The following TANC2 variants were observed in gnomAD, a reference collection of about 807,000 sequenced individuals.
The protein encoded by TANC2 is tetratricopeptide repeat, ankyrin repeat and coiled-coil containing 2.
TANC2 carries 26 observed loss-of-function variants against 210.5 expected under a neutral mutation model. The ratio of observed to expected loss-of-function variants is 0.12; its 90% confidence interval spans 0.09 to 0.17. TANC2 has a LOEUF of 0.17. Among genes scored for constraint, TANC2 ranks in the 10% least tolerant of loss-of-function variants. The probability of loss-of-function intolerance (pLI) is 1.00; values close to 1 mark genes in which losing one functional copy is unlikely to be tolerated. For missense variants in TANC2, 2,129 were observed against 2,608.9 expected, an observed-to-expected ratio of 0.82 and a Z score of 4.01; for synonymous variants, 931 against 967.1, an observed-to-expected ratio of 0.96 and a Z score of 0.69.
At chr17:63,230,261 GT>G (rs1325388414) in intron 7 of TANC2, among the ~76,000 whole-genome samples, 4 of 151,944 alleles carry the variant, frequency 2.6e-5, no homozygotes, top group Non-Finnish European at 5.9e-5. Flanking sequence ...TTTTTGAAGG[GT>G]TTTTTGTGTC....
At chr17:63,170,547 A>G (rs539210269) in intron 5 of TANC2, among the ~76,000 whole-genome samples, 50 of 152,282 alleles carry the variant, frequency 3.3e-4, no homozygotes, top group Admixed American at 2.7e-3. Context: ...TTTGGGGGAA[A>G]AATTCTAGCA....
chr17:63,346,729 G>A (rs537972088), intron 12 of TANC2, among the ~76,000 whole-genome samples: 1 of 152,228 alleles, frequency 6.6e-6, no homozygotes, highest in Admixed American at 6.5e-5. Context: ...TTTGAGACAA[G>A]GTCTCTCACT....
intron 4 of TANC2, among the ~76,000 whole-genome samples, chr17:63,100,729 A>G (rs1255271364): frequency 6.6e-6 from 1 of 152,182 alleles, no homozygotes; most frequent in Non-Finnish European, 1.5e-5. Flanking sequence ...CTGAAGTTTT[A>G]GAGATACCGC....
chr17:63,086,256 T>C (rs573503320), intron 3 of TANC2, among the ~76,000 whole-genome samples: 40 of 152,256 alleles, frequency 2.6e-4, no homozygotes, highest in Non-Finnish European at 4.7e-4. Flanking sequence ...CTTTCTGGTC[T>C]ATGGTTTGGT....
intron 8 of TANC2, among the ~76,000 whole-genome samples, chr17:63,265,807 T>G (rs568757234): frequency 1.5e-3 from 165 of 108,310 alleles, no homozygotes; most frequent in African/African-American, 4.3e-3. Context: ...ACACTTTCTG[T>G]TTTTTTTTTG....
chr17:63,332,335 C>T (rs2045885779), intron 11 of TANC2: 1 of 309,982 alleles, frequency 3.2e-6, no homozygotes, highest in Non-Finnish European at 6.3e-6. Context: ...ACTAATTCCA[C>T]TTCTTGATTG....
intron 9 of TANC2, among the ~76,000 whole-genome samples, chr17:63,301,669 TTTC>T (rs1273191252): frequency 2.9e-4 from 44 of 152,312 alleles, no homozygotes; most frequent in African/African-American, 1.1e-3. Flanking sequence ...TCTTCTCTCT[TTTC>T]TTCTTTATTA....
chr17:63,074,146 A>G (rs1413845724), intron 3 of TANC2, 132 bp downstream of exon 3: 2 of 558,680 alleles, frequency 3.6e-6, no homozygotes, highest in Admixed American at 3.7e-5. Context: ...TAGGATTTAA[A>G]TGATATGATG....
intron 8 of TANC2, among the ~76,000 whole-genome samples, chr17:63,259,812 T>C (rs2043304178): frequency 6.6e-6 from 1 of 152,230 alleles, no homozygotes; most frequent in Non-Finnish European, 1.5e-5. Context: ...GATACTTATT[T>C]CCATTAATCT....
At chr17:63,143,456 T>C (rs189381103) in intron 4 of TANC2, among the ~76,000 whole-genome samples, 2 of 152,346 alleles carry the variant, frequency 1.3e-5, no homozygotes, top group East Asian at 3.9e-4. Context: ...AATATTTGCC[T>C]GTGTATAAAA....
intron 8 of TANC2, among the ~76,000 whole-genome samples, chr17:63,239,877 A>AGG (rs1182771608): frequency 6.6e-6 from 1 of 152,152 alleles, no homozygotes; most frequent in Non-Finnish European, 1.5e-5. Context: ...CAAAAGGCAC[A>AGG]GGGGGAACAA....
chr17:63,138,635 C>T (rs2039177819), intron 4 of TANC2, among the ~76,000 whole-genome samples: 1 of 152,120 alleles, frequency 6.6e-6, no homozygotes, highest in Admixed American at 6.5e-5. Flanking sequence ...TCTTACCTAT[C>T]TTTTCCTTTC....
At position 63,397,309 on chromosome 17, in the gene TANC2, A is replaced by C. The variant is rs140372265; in HGVS notation, c.3237+1381A>C. 5.5e-3 allele frequency among the ~76,000 whole-genome samples: 842 copies of C among 152,256 alleles called. 6 individuals carry two copies. The highest frequency in any genetic ancestry group is 0.018 in the African/African-American group (750 of 41,540). ...CAAACAAACAAAAAGAATATGTTGC[A>C]CACAACTTACAAATAATAATGAACT... On this transcript the variant is annotated intron_variant, in intron 18 of 27. Coordinates refer to ENST00000689528, the Ensembl canonical transcript of TANC2.
At chr17:63,191,857 T>C (rs372006657) in intron 5 of TANC2, among the ~76,000 whole-genome samples, 1 of 152,216 alleles carries the variant, frequency 6.6e-6, no homozygotes, top group African/African-American at 2.4e-5. Flanking sequence ...CAGTTAAGTC[T>C]GTAATCTAGA....
At chr17:63,344,621 G>T (rs1360075646) in intron 12 of TANC2, among the ~76,000 whole-genome samples, 1 of 152,120 alleles carries the variant, frequency 6.6e-6, no homozygotes, top group African/African-American at 2.4e-5. Flanking sequence ...CCAGAAAAAA[G>T]AAATCTGACT....
At chr17:63,241,650 A>G (rs1020358973) in intron 8 of TANC2, among the ~76,000 whole-genome samples, 11 of 152,184 alleles carry the variant, frequency 7.2e-5, no homozygotes, top group African/African-American at 2.7e-4. Flanking sequence ...CCCAACGTTC[A>G]TTCTAAAATC....
chr17:63,274,584 T>TG (rs2043815754), intron 9 of TANC2, among the ~76,000 whole-genome samples: 1 of 152,016 alleles, frequency 6.6e-6, no homozygotes, highest in Admixed American at 6.6e-5. Context: ...GAGGCCAAGG[T>TG]GGAGGGATCA....
chr17:62,995,117 G>A (rs933287729), intron 1 of TANC2, among the ~76,000 whole-genome samples: 10 of 152,070 alleles, frequency 6.6e-5, no homozygotes, highest in South Asian at 2.1e-4. Context: ...ATTTTCTTTG[G>A]ATTTTTTTCT....
chr17:63,300,593 C>T (rs182992210), intron 9 of TANC2, among the ~76,000 whole-genome samples: 114 of 151,994 alleles, frequency 7.5e-4, no homozygotes, highest in African/African-American at 8.0e-4. Flanking sequence ...CTAATGTTGG[C>T]GTATAGGAAT....
Sources: gnomAD v4.1 joint callset for allele counts (sites outside exome capture counted in the v4.1 genomes callset) on GRCh38, gnomAD v4.1.1 for gene constraint, MANE v1.5 for transcripts, NCBI Gene and HGNC (gene_info 2026-07-23, HGNC 2026-07-21) for gene names.